Variants in CRACR2A observed in about 807,000 individuals in gnomAD.
CRACR2A encodes the protein calcium release activated channel regulator 2A.
In CRACR2A, 79 loss-of-function variants were observed where a neutral mutation model predicts 90.5. The observed-to-expected ratio is 0.87, with a 90% confidence interval of 0.73 to 1.05. The LOEUF (loss-of-function observed/expected upper bound fraction) is 1.05. CRACR2A is among the 50% of genes least tolerant of loss of function. The pLI, the probability that CRACR2A is intolerant of heterozygous loss-of-function variation, is 0.00. For synonymous variants in CRACR2A, 338 were observed against 356.7 expected (o/e 0.95, Z 0.59); for missense variants, 823 against 897.2 (o/e 0.92, Z 1.06).
intron 2 of CRACR2A, among the ~76,000 whole-genome samples, chr12:3,717,874 G>A (rs1456238089): frequency 6.6e-6 from 1 of 152,084 alleles, no homozygotes; most frequent in African/African-American, 2.4e-5. Context: ...TCGGTGGTGT[G>A]GCCTTTGAAT....
chr12:3,748,633 G>A (rs1036204273), intron 1 of CRACR2A, among the ~76,000 whole-genome samples: 16 of 152,310 alleles, frequency 1.1e-4, no homozygotes, highest in Admixed American at 3.3e-4. Context: ...AGAGGAACCC[G>A]TCCCTAATAT....
At chr12:3,701,441 A>G (rs1274703844) in intron 3 of CRACR2A, among the ~76,000 whole-genome samples, 2 of 152,194 alleles carry the variant, frequency 1.3e-5, no homozygotes, top group Non-Finnish European at 2.9e-5. Context: ...GAAGATTAAT[A>G]AAGAGACAAG....
rs532982155 is a variant in CRACR2A, at chr12:3,672,774, G to C, written c.671+672C>G. On this transcript the variant is annotated intron_variant, in intron 7 of 19. Coordinates refer to ENST00000440314, the MANE Select transcript of CRACR2A (RefSeq NM_001144958.2). Reference sequence around the variant, plus strand: ...TCAGTTCTTCAGCAGCTTCTTCAGGGCTGTGAGTGAGGAGGACTCTGGGTT... The same window carrying C: ...TCAGTTCTTCAGCAGCTTCTTCAGGCCTGTGAGTGAGGAGGACTCTGGGTT... 3 of 985,440 alleles carry C rather than the reference G, an allele frequency of 3.0e-6. No individual in the cohort carries two copies. The African/African-American group carries it at 5.2e-5, about 17-fold the overall frequency. 61.0% of individuals were successfully genotyped at this position (985,440 alleles called of 1,614,324 possible).
intron 13 of CRACR2A, among the ~76,000 whole-genome samples, chr12:3,639,673 AT>A (rs1486674016): frequency 7.2e-5 from 11 of 152,196 alleles, no homozygotes. Context: ...AGAAAAAAAA[AT>A]GCAGGTATCA....
rs1946011071 is a variant in CRACR2A, at chr12:3,711,906, T to C, written c.-37+1331A>G. On this transcript the variant is annotated intron_variant, in intron 3 of 19. Coordinates refer to ENST00000440314, the MANE Select transcript of CRACR2A (RefSeq NM_001144958.2). This position sits in a 1 kb window ranked among gnomAD's most constrained non-coding sequence, Gnocchi z 4.3. Reference sequence around the variant, plus strand: ...GACATTTTCTCCAAACCATAGTCTTTCTTGTATGAATCACTATGAGTTTGG... The same window carrying C: ...GACATTTTCTCCAAACCATAGTCTTCCTTGTATGAATCACTATGAGTTTGG... Among the ~76,000 whole-genome samples the C allele has an allele frequency of 6.6e-6, 1 of 152,230 alleles. No homozygotes were observed. The highest frequency in any genetic ancestry group is 1.9e-4 in the East Asian group (1 of 5,204).
chr12:3,675,752 T>C (rs1945324335), intron 6 of CRACR2A, among the ~76,000 whole-genome samples: 1 of 152,162 alleles, frequency 6.6e-6, no homozygotes, highest in Non-Finnish European at 1.5e-5. Flanking sequence ...GAAACGTAAA[T>C]GTGACTTGTC....
intron 12 of CRACR2A, 143 bp from the exon 13 acceptor site, chr12:3,641,981 C>A (rs1042577095): frequency 1.5e-6 from 1 of 678,764 alleles, no homozygotes; most frequent in Non-Finnish European, 2.5e-6. Context: ...TCCCTGTTAG[C>A]GTCTAGCCAC....
chr12:3,646,136 T>A (rs957336082), intron 11 of CRACR2A, among the ~76,000 whole-genome samples: 1 of 151,576 alleles, frequency 6.6e-6, no homozygotes, highest in African/African-American at 2.4e-5. Flanking sequence ...AAAGGAGGAG[T>A]CTTTTTTCCA....
At chr12:3,656,485 A>T in intron 8 of CRACR2A, 79 bp from the exon 9 acceptor site, 1 of 1,275,448 alleles carries the variant, frequency 7.8e-7, no homozygotes, top group South Asian at 1.2e-5. Context: ...CCCACCTTGA[A>T]CCTACTCAAC....
chr12:3,712,669 A>G (rs1431981416), intron 3 of CRACR2A, among the ~76,000 whole-genome samples: 1 of 152,212 alleles, frequency 6.6e-6, no homozygotes, highest in Non-Finnish European at 1.5e-5. Context: ...ATTCAACATG[A>G]GATTTGGGCA....
chr12:3,637,185 C>T (rs1944470231), intron 14 of CRACR2A, among the ~76,000 whole-genome samples: 1 of 152,114 alleles, frequency 6.6e-6, no homozygotes, highest in Non-Finnish European at 1.5e-5. Context: ...CAGGGAATGT[C>T]GGGATGAAAG....
chr12:3,695,232 C>T (rs1230379737), intron 4 of CRACR2A, among the ~76,000 whole-genome samples: 1 of 152,192 alleles, frequency 6.6e-6, no homozygotes, highest in African/African-American at 2.4e-5. Flanking sequence ...ACTACTAACA[C>T]CAACCACCGC....
rs199770500 is a variant in CRACR2A, at chr12:3,734,587, CCAT to C, written c.-386-1380_-386-1378del. Among the ~76,000 whole-genome samples, 172 of 151,876 alleles carry C rather than the reference CCAT, an allele frequency of 1.1e-3. 4 individuals carry two copies. The East Asian group carries it at 0.032, about 28-fold the overall frequency. On this transcript the variant is annotated intron_variant, in intron 1 of 19. Transcript: ENST00000440314. ...CAAGACATGGAAACAACCTAAGTGT[CCAT>C]CAACAGACGAATGGATAAAGAAACT...
At chr12:3,669,218 G>T (rs1304786808) in intron 7 of CRACR2A, among the ~76,000 whole-genome samples, 2 of 152,090 alleles carry the variant, frequency 1.3e-5, no homozygotes, top group Non-Finnish European at 2.9e-5. Flanking sequence ...GGGACCTCTG[G>T]CATCCCAAAA....
At chr12:3,656,611 T>C (rs929738949) in intron 8 of CRACR2A, among the ~76,000 whole-genome samples, 3 of 152,158 alleles carry the variant, frequency 2.0e-5, no homozygotes, top group Non-Finnish European at 2.9e-5. Flanking sequence ...AAGCGCTTAG[T>C]GAGGCAGGAT....
intron 1 of CRACR2A, among the ~76,000 whole-genome samples, chr12:3,750,611 G>A (rs1198203895): frequency 6.6e-6 from 1 of 152,166 alleles, no homozygotes; most frequent in Non-Finnish European, 1.5e-5. Context: ...AAGGTATCAT[G>A]GCAAGTGCCT....
rs1291589965 is a variant in CRACR2A at position 3,615,391 on chromosome 12, G to A, written c.2160C>T (p.Val720=). Residue 720 remains valine (V), a synonymous_variant, in exon 20 of 20, where the codon GTC becomes GTT. Coordinates refer to ENST00000440314, the MANE Select transcript of CRACR2A (RefSeq NM_001144958.2). The stretch of plus-strand genomic sequence containing the variant: ...AGGATTTCTTCTTAGCAGGGTGGCC[G>A]ACCTGAATGGTGTCCTCTCTCACTG... The part of the protein sequence containing the change: ...EDTVREDTIQ[V]GHPAKKKSCC... 84 of 1,551,530 alleles carry A rather than the reference G, an allele frequency of 5.4e-5. No homozygotes were observed. The East Asian group carries it at 1.9e-3, about 35-fold the overall frequency.
intron 15 of CRACR2A, among the ~76,000 whole-genome samples, chr12:3,632,927 G>A (rs1016825628): frequency 2.6e-5 from 4 of 152,164 alleles, no homozygotes; most frequent in African/African-American, 9.7e-5. Flanking sequence ...ATGCCCTTGG[G>A]TCTCACCACA....
chr12:3,693,327 C>T (rs1474630068), intron 4 of CRACR2A, among the ~76,000 whole-genome samples: 7 of 152,190 alleles, frequency 4.6e-5, no homozygotes, highest in Admixed American at 2.0e-4. Flanking sequence ...CACAAGCAAG[C>T]GCATCCAGGC....
Sources: gnomAD v4.1 joint callset for allele counts (sites outside exome capture counted in the v4.1 genomes callset) on GRCh38, gnomAD v4.1.1 for gene constraint, Gnocchi (gnomAD v3.1) non-coding constraint, MANE v1.5 for transcripts, NCBI Gene and HGNC (gene_info 2026-07-23, HGNC 2026-07-21) for gene names.